Variants in GABBR2 observed in about 807,000 individuals in gnomAD.
GABBR2 encodes G-protein coupled receptor 51.
GABBR2 carries 23 observed loss-of-function variants against 105.6 expected under a neutral mutation model. The ratio of observed to expected loss-of-function variants is 0.22; its 90% CI spans 0.16 to 0.31. The LOEUF (loss-of-function observed/expected upper bound fraction) is 0.31, where lower values mean the gene tolerates loss of function less well. Ranked by LOEUF, GABBR2 falls within the 10% of genes least tolerant of loss-of-function variation. The pLI is 1.00. For synonymous variants in GABBR2, 478 were observed against 499.7 expected (o/e 0.96, Z 0.58); for missense variants, 734 against 1,245.5 (o/e 0.59, Z 6.18).
rs1221673845 is a variant in GABBR2, at chr9:98,549,029, G to A, written c.460-6986C>T. ...CAGGTCACTGCAACCTCCGCCTCCC[G>A]ATTGTTCAAGCGATTCTCCTGCCTC... On this transcript the variant is annotated intron_variant, in intron 2 of 18. Coordinates refer to ENST00000259455, the MANE Select transcript of GABBR2 (RefSeq NM_005458.8). Among the ~76,000 whole-genome samples the A allele has an allele frequency of 4.9e-5, 6 of 121,348 alleles. 1 individual carries two copies. The highest frequency in any genetic ancestry group is 3.7e-3 in the Middle Eastern group (1 of 272). 79.6% of individuals were successfully genotyped at this position (121,348 alleles called of 152,430 possible).
chr9:98,379,074 A>ACCTC (rs1190590203), intron 11 of GABBR2, among the ~76,000 whole-genome samples: 9 of 151,716 alleles, frequency 5.9e-5, no homozygotes, highest in Non-Finnish European at 1.3e-4. Flanking sequence ...TGTCATTCTT[A>ACCTC]CCTCCCTTGC....
chr9:98,425,465 C>G (rs1825662626), intron 7 of GABBR2, among the ~76,000 whole-genome samples: 2 of 152,214 alleles, frequency 1.3e-5, no homozygotes, highest in Non-Finnish European at 2.9e-5. Context: ...CTCATTCTTT[C>G]ATCACATTTT....
intron 13 of GABBR2, among the ~76,000 whole-genome samples, chr9:98,360,551 C>A (rs1339252927): frequency 1.3e-5 from 2 of 152,170 alleles, no homozygotes; most frequent in Admixed American, 6.5e-5. Context: ...GTTTCCTTAT[C>A]TACACAGAAA....
chr9:98,551,260 G>A (rs922277064), intron 2 of GABBR2, among the ~76,000 whole-genome samples: 4 of 151,978 alleles, frequency 2.6e-5, no homozygotes, highest in African/African-American at 7.3e-5. Flanking sequence ...AAAATTAGCC[G>A]GGCGTGGTGG....
At chr9:98,503,170 G>C (rs1206176238) in intron 3 of GABBR2, among the ~76,000 whole-genome samples, 1 of 152,202 alleles carries the variant, frequency 6.6e-6, no homozygotes, top group Non-Finnish European at 1.5e-5. Context: ...CCAGGAGGTG[G>C]GGCAGGGAAA....
chr9:98,337,814 A>C (rs922409752), intron 13 of GABBR2, among the ~76,000 whole-genome samples: 6 of 152,202 alleles, frequency 3.9e-5, no homozygotes, highest in Admixed American at 2.0e-4. Context: ...TGAGGTCAGG[A>C]GTTTGAGACC....
intron 4 of GABBR2, among the ~76,000 whole-genome samples, chr9:98,491,903 G>T (rs1827182213): frequency 6.6e-6 from 1 of 152,212 alleles, no homozygotes; most frequent in Non-Finnish European, 1.5e-5. Flanking sequence ...CATGACCTCA[G>T]CTGTAAAGTA....
intron 1 of GABBR2, among the ~76,000 whole-genome samples, chr9:98,613,659 T>A (rs1829540680): frequency 6.6e-6 from 1 of 152,198 alleles, no homozygotes; most frequent in African/African-American, 2.4e-5. Context: ...AAAGACAAAT[T>A]CTGCAGGGAA....
At chr9:98,381,048 C>G (rs906344755) in intron 11 of GABBR2, among the ~76,000 whole-genome samples, 1 of 152,170 alleles carries the variant, frequency 6.6e-6, no homozygotes, top group Non-Finnish European at 1.5e-5. Context: ...TTTACAGAAC[C>G]CAGTGTGGGA....
intron 7 of GABBR2, among the ~76,000 whole-genome samples, chr9:98,432,042 T>C (rs1271918673): frequency 6.6e-6 from 1 of 152,072 alleles, no homozygotes; most frequent in African/African-American, 2.4e-5. Flanking sequence ...ACTACAGGCA[T>C]GTGCTACCAC....
At chr9:98,538,276 C>A (rs1828219058) in intron 3 of GABBR2, among the ~76,000 whole-genome samples, 2 of 152,222 alleles carry the variant, frequency 1.3e-5, no homozygotes, top group African/African-American at 4.8e-5. Flanking sequence ...GCTCAGAGAT[C>A]AGCCCACCTG....
chr9:98,517,138 G>A (rs969821172), intron 3 of GABBR2, among the ~76,000 whole-genome samples: 2 of 152,302 alleles, frequency 1.3e-5, no homozygotes, highest in African/African-American at 4.8e-5. Context: ...CCTCATTCAA[G>A]GTCACACACC....
chr9:98,394,605 C>A (rs1236940517), intron 8 of GABBR2, among the ~76,000 whole-genome samples: 1 of 152,206 alleles, frequency 6.6e-6, no homozygotes, highest in Non-Finnish European at 1.5e-5. Context: ...TGGCTCTGCC[C>A]TCTAGAACCA....
At chr9:98,592,966 C>G (rs1829167765) in intron 1 of GABBR2, among the ~76,000 whole-genome samples, 1 of 151,996 alleles carries the variant, frequency 6.6e-6, no homozygotes, top group Non-Finnish European at 1.5e-5. Flanking sequence ...TGTTTTACCA[C>G]TTTATTTTAG....
In GABBR2 at chr9:98,504,362, G is replaced by A. The variant is rs564085681; in HGVS notation, c.631-7848C>T. On this transcript the variant is annotated intron_variant, in intron 3 of 18. Transcript: ENST00000259455. ...ACAGCCAGTGGCTGGAGGCTGCAGA[G>A]AGCTCCAGAGATCTCAAGGCACTCA... 3.3e-5 allele frequency among the ~76,000 whole-genome samples: 5 copies of A among 152,292 alleles called. No homozygotes were observed. In the East Asian group the frequency reaches 9.7e-4, roughly 29 times the overall value.
chr9:98,440,516 C>T (rs980018183), intron 7 of GABBR2, among the ~76,000 whole-genome samples: 1 of 152,146 alleles, frequency 6.6e-6, no homozygotes, highest in Non-Finnish European at 1.5e-5. Flanking sequence ...CCACTTCCCC[C>T]CTTCTACAAT....
intron 1 of GABBR2, among the ~76,000 whole-genome samples, chr9:98,594,469 T>C (rs999748977): frequency 1.3e-5 from 2 of 151,140 alleles, no homozygotes; most frequent in South Asian, 2.1e-4. Context: ...AGCAAACAGA[T>C]GCCACCAAGT....
chr9:98,608,517 T>C (rs1308016722), intron 1 of GABBR2, among the ~76,000 whole-genome samples: 1 of 152,220 alleles, frequency 6.6e-6, no homozygotes, highest in Non-Finnish European at 1.5e-5. Flanking sequence ...GGCCATAATA[T>C]GATGCAAACT....
chr9:98,295,962 C>T (rs1024420507), intron 17 of GABBR2, among the ~76,000 whole-genome samples: 1 of 152,206 alleles, frequency 6.6e-6, no homozygotes, highest in Admixed American at 6.5e-5. Context: ...GTTCAGTATT[C>T]ACAATCCACT....
Sources: gnomAD v4.1 joint callset for allele counts (sites outside exome capture counted in the v4.1 genomes callset) on GRCh38, gnomAD v4.1.1 for gene constraint, MANE v1.5 for transcripts, NCBI Gene and HGNC (gene_info 2026-07-23, HGNC 2026-07-21) for gene names.